THSD7B: variants seen among roughly 807,000 people sequenced by gnomAD.
THSD7B encodes thrombospondin type-1 domain-containing protein 7B.
A neutral mutation model predicts 213.6 loss-of-function variants in THSD7B; 138 were observed. The ratio of observed to expected loss-of-function variants is 0.65; its 90% CI spans 0.56 to 0.74. The LOEUF is 0.74. Ranked by LOEUF, THSD7B falls within the 30% of genes least tolerant of loss-of-function variation. The pLI is 0.00. For synonymous variants in THSD7B, 742 were observed against 687.0 expected (o/e 1.08, Z -1.25); for missense variants, 1,931 against 1,991.5 (o/e 0.97, Z 0.58).
intron 12 of THSD7B, among the ~76,000 whole-genome samples, chr2:137,299,720 G>A (rs1173369155): frequency 6.6e-6 from 1 of 151,978 alleles, no homozygotes; most frequent in African/African-American, 2.4e-5. Flanking sequence ...TTAAACTTGT[G>A]GGCTTAACCG....
chr2:136,783,837 AAGTT>A (rs982823231), intron 1 of THSD7B, among the ~76,000 whole-genome samples: 84 of 152,308 alleles, frequency 5.5e-4, no homozygotes, highest in African/African-American at 1.9e-3. Context: ...CCTTTTCAAC[AAGTT>A]AGTTAATCAG....
At chr2:137,190,208 T>G (rs1680629936) in intron 7 of THSD7B, among the ~76,000 whole-genome samples, 1 of 152,238 alleles carries the variant, frequency 6.6e-6, no homozygotes, top group African/African-American at 2.4e-5. Flanking sequence ...AGCATGGAGA[T>G]GATTTTTTGA....
At chr2:137,376,601 G>A (rs13395289) in intron 12 of THSD7B, among the ~76,000 whole-genome samples, 18,175 of 152,198 alleles carry the variant, frequency 0.12, 1,202 homozygotes, top group South Asian at 0.24. Flanking sequence ...GTGTGAATTA[G>A]CATATTTATT....
chr2:137,044,555 G>A (rs1453524289), intron 2 of THSD7B, among the ~76,000 whole-genome samples: 4 of 152,060 alleles, frequency 2.6e-5, no homozygotes, highest in African/African-American at 9.7e-5. Context: ...ACAGAACCCT[G>A]TGCATATTAT....
At chr2:137,142,670 G>A (rs1182686310) in intron 5 of THSD7B, among the ~76,000 whole-genome samples, 1 of 151,730 alleles carries the variant, frequency 6.6e-6, no homozygotes, top group Non-Finnish European at 1.5e-5. Flanking sequence ...TCTTTTTTAT[G>A]TTATCACACT....
At chr2:137,473,576 G>A (rs1002736727) in intron 15 of THSD7B, among the ~76,000 whole-genome samples, 7 of 152,136 alleles carry the variant, frequency 4.6e-5, no homozygotes, top group African/African-American at 1.4e-4. Flanking sequence ...ACCTTAGTAT[G>A]TAGCAGAATT....
At chr2:137,605,640 A>T in intron 17 of THSD7B, among the ~76,000 whole-genome samples, 1 of 125,268 alleles carries the variant, frequency 8.0e-6, no homozygotes, top group Non-Finnish European at 1.6e-5. Context: ...ATATATTGGC[A>T]CTTCGCACTT....
At chr2:137,149,138 G>A (rs763966002) in intron 5 of THSD7B, among the ~76,000 whole-genome samples, 23 of 152,178 alleles carry the variant, frequency 1.5e-4, no homozygotes, top group Non-Finnish European at 2.4e-4. Context: ...ATACAGCTCA[G>A]GCTGTTGCTT....
chr2:136,930,276 T>G (rs1573716805), intron 2 of THSD7B, among the ~76,000 whole-genome samples: 1 of 152,324 alleles, frequency 6.6e-6, no homozygotes, highest in East Asian at 1.9e-4. Flanking sequence ...AATGAATTAT[T>G]GGGATTTGGA....
chr2:136,874,564 C>G (rs1416618721), intron 1 of THSD7B, among the ~76,000 whole-genome samples: 1 of 152,126 alleles, frequency 6.6e-6, no homozygotes, highest in African/African-American at 2.4e-5. Flanking sequence ...ACTATTTTTA[C>G]TTTATTTTAT....
chr2:137,321,828 G>A (rs528761742), intron 12 of THSD7B, among the ~76,000 whole-genome samples: 3 of 152,260 alleles, frequency 2.0e-5, no homozygotes, highest in Non-Finnish European at 4.4e-5. Context: ...ATTTCATGGA[G>A]TATAAATTCT....
chr2:137,181,861 T>C (rs1680462345), intron 7 of THSD7B, among the ~76,000 whole-genome samples: 1 of 152,148 alleles, frequency 6.6e-6, no homozygotes, highest in Non-Finnish European at 1.5e-5. Context: ...GGCAAGGAGA[T>C]GTCTAGTTTT....
At chr2:137,439,008 G>A (rs9989745) in intron 14 of THSD7B, among the ~76,000 whole-genome samples, 52,160 of 151,778 alleles carry the variant, frequency 0.34, 9,853 homozygotes, top group African/African-American at 0.5. Flanking sequence ...AAAAATTAGA[G>A]GTATGCTGCC....
rs373700856 is a variant in THSD7B, at chr2:137,386,722, TGAAAA to T, written c.2501-18887_2501-18883del. Among the ~76,000 whole-genome samples, 44 of 152,178 alleles carry T rather than the reference TGAAAA, an allele frequency of 2.9e-4. 2 individuals are homozygous for T. In the East Asian group the frequency reaches 4.1e-3, roughly 14 times the overall value. ...ACCCCTGCCCTCTTCATCTCATAAT[TGAAAA>T]GAAGCAAAACTTATCACTGCATGTC... On this transcript the variant is annotated intron_variant, in intron 12 of 27. Transcript: ENST00000409968.
At chr2:136,839,150 A>G (rs1350416322) in intron 1 of THSD7B, among the ~76,000 whole-genome samples, 2 of 152,220 alleles carry the variant, frequency 1.3e-5, no homozygotes, top group South Asian at 2.1e-4. Flanking sequence ...AGATTTTCCT[A>G]GACTATGCTT....
intron 2 of THSD7B, among the ~76,000 whole-genome samples, chr2:136,909,054 G>T (rs533596035): frequency 1.3e-5 from 2 of 152,214 alleles, no homozygotes; most frequent in East Asian, 3.9e-4. Flanking sequence ...ATGATGGCAT[G>T]TCCCTGTAGT....
At position 137,227,989 on chromosome 2, in the gene THSD7B, T is replaced by C. The variant is rs145331720; in HGVS notation, c.1724-3055T>C. Among the ~76,000 whole-genome samples the C allele has an allele frequency of 1.8e-4, 28 of 152,258 alleles. No homozygotes were observed. The East Asian group carries it at 4.8e-3, about 26-fold the overall frequency. ...TAATCCTTAGAATAGCTCTAAAAGG[T>C]AAACATCATTATTTGATTCCTACAA... On this transcript the variant is annotated intron_variant, in intron 7 of 27. Transcript: ENST00000409968.
In THSD7B at chr2:137,655,397, C is replaced by T. The variant is rs79048624; in HGVS notation, c.3946-104C>T. On this transcript the variant is annotated intron_variant, in intron 21 of 27. Coordinates refer to ENST00000409968, the MANE Select transcript of THSD7B (RefSeq NM_001316349.2). ...GATAGCTCACAAGAAGAGGAAGCTA[C>T]GAAAATATGCAACTATGGTCTTCTT... The T allele has an allele frequency of 3.3e-3, 4,245 of 1,282,610 alleles. 99 individuals are homozygous for T. The African/African-American group carries it at 0.053, about 16-fold the overall frequency. The allele number at this position is 1,282,610 out of a possible 1,614,324, so 79.5% of individuals were successfully genotyped here.
At chr2:137,660,290 G>T (rs553427828) in intron 25 of THSD7B, among the ~76,000 whole-genome samples, 61 of 151,830 alleles carry the variant, frequency 4.0e-4, no homozygotes, top group Non-Finnish European at 7.8e-4. Flanking sequence ...CACAACTCAG[G>T]AATTAATGTA....
Sources: gnomAD v4.1 joint callset for allele counts (sites outside exome capture counted in the v4.1 genomes callset) on GRCh38, gnomAD v4.1.1 for gene constraint, MANE v1.5 for transcripts, NCBI Gene and HGNC (gene_info 2026-07-23, HGNC 2026-07-21) for gene names.